Variants in SFXN5 observed in about 807,000 individuals in gnomAD.
SFXN5 encodes sideroflexin 5, also known as sideroflexin-5.
A neutral mutation model predicts 50.2 loss-of-function variants in SFXN5; 43 were observed. The ratio of observed to expected loss-of-function variants is 0.86; its 90% confidence interval spans 0.67 to 1.11. The LOEUF is 1.11. SFXN5 is among the 50% of genes least tolerant of loss of function. SFXN5 has a pLI of 0.00. For missense variants in SFXN5, 463 were observed against 454.1 expected (o/e 1.02, Z -0.18); for synonymous variants, 203 against 185.8 (o/e 1.09, Z -0.75).
chr2:72,989,940 C>T (rs1023170217), intron 9 of SFXN5, among the ~76,000 whole-genome samples: 2 of 152,200 alleles, frequency 1.3e-5, no homozygotes, highest in Non-Finnish European at 2.9e-5. Flanking sequence ...GCACGCCTGG[C>T]GGCTCAGCAG....
chr2:73,013,020 T>TC (rs2105781229), intron 6 of SFXN5, among the ~76,000 whole-genome samples: 1 of 151,222 alleles, frequency 6.6e-6, no homozygotes, highest in African/African-American at 2.5e-5. Flanking sequence ...GGACTTATCC[T>TC]CTAGTATAAA....
chr2:72,988,414 G>T, intron 9 of SFXN5, 66 bp from the exon 10 acceptor site: 3 of 1,379,778 alleles, frequency 2.2e-6, no homozygotes, highest in Non-Finnish European at 3.0e-6. Flanking sequence ...TGGGAGGAGG[G>T]GGCAGAACTG....
intron 13 of SFXN5, among the ~76,000 whole-genome samples, chr2:72,947,732 G>T (rs950767379): frequency 6.6e-5 from 10 of 152,048 alleles, no homozygotes; most frequent in Non-Finnish European, 1.3e-4. Context: ...ACCCAAGTCT[G>T]GTCACCCGAG....
chr2:72,999,271 A>C (rs1046091022), intron 8 of SFXN5, among the ~76,000 whole-genome samples: 4 of 152,218 alleles, frequency 2.6e-5, no homozygotes, highest in Admixed American at 2.6e-4. Flanking sequence ...GGTCACTGGC[A>C]GACAGTGCTG....
At chr2:72,968,652 A>G (rs1674766044) in intron 11 of SFXN5, 119 bp from the exon 12 acceptor site, 1 of 773,642 alleles carries the variant, frequency 1.3e-6, no homozygotes, top group African/African-American at 1.8e-5. Context: ...GGCCTTATTC[A>G]TGGGATTGCT....
intron 3 of SFXN5, among the ~76,000 whole-genome samples, chr2:73,024,372 G>A (rs973091559): frequency 6.6e-6 from 1 of 152,164 alleles, no homozygotes; most frequent in Admixed American, 6.5e-5. Context: ...TACACTGTCG[G>A]GGGGCCAGGC....
intron 6 of SFXN5, among the ~76,000 whole-genome samples, chr2:73,008,642 G>A (rs911729680): frequency 1.3e-5 from 2 of 152,190 alleles, no homozygotes; most frequent in South Asian, 2.1e-4. Context: ...GGGAGAGGCC[G>A]TGTATAAGAA....
In SFXN5 at chr2:72,980,303, C is replaced by A. The variant is rs986640304; in HGVS notation, c.625+7955G>T. Among the ~76,000 whole-genome samples the A allele has an allele frequency of 3.3e-5, 5 of 152,194 alleles. No individual in the cohort carries two copies. The East Asian group carries it at 9.6e-4, about 29-fold the overall frequency. On this transcript the variant is annotated intron_variant, in intron 10 of 13. Coordinates refer to ENST00000272433, the MANE Select transcript of SFXN5 (RefSeq NM_144579.3). ...ATAGCCAGGTTCTCATGTCCCTGCC[C>A]GGGAAGGTCTATGTATATACATGTA... is the stretch of plus-strand genomic sequence containing the variant.
rs988122428 is a variant in SFXN5, at chr2:72,953,480, C to T, written c.945+7651G>A. Among the ~76,000 whole-genome samples the T allele has an allele frequency of 1.3e-5, 2 of 152,118 alleles. No homozygotes were observed. On this transcript the variant is annotated intron_variant, in intron 13 of 13. Transcript: ENST00000272433. The surrounding 1 kb of genome is among the most constrained non-coding windows in gnomAD (Gnocchi z 4.1). Reference sequence around the variant, plus strand: ...ACATTGTCTCTGGCCTCGCATCAACCCTGGAAGAGTGGGAGAAGCAGGGAC... The same window carrying T: ...ACATTGTCTCTGGCCTCGCATCAACTCTGGAAGAGTGGGAGAAGCAGGGAC...
chr2:73,071,297 G>C (rs1421051872), intron 1 of SFXN5: 5 of 391,356 alleles, frequency 1.3e-5, no homozygotes, highest in African/African-American at 2.1e-5. Flanking sequence ...GAAGCCGGGC[G>C]CTCGGGACCT....
chr2:73,069,449 T>C (rs926885821), intron 1 of SFXN5, among the ~76,000 whole-genome samples: 15 of 152,138 alleles, frequency 9.9e-5, no homozygotes, highest in African/African-American at 3.6e-4. Context: ...GCTGCATTGA[T>C]TGGGTGGCAA....
In SFXN5 at chr2:72,988,620, T is replaced by C. The variant is rs113788489; in HGVS notation, c.535-272A>G. On this transcript the variant is annotated intron_variant, in intron 9 of 13. Transcript: ENST00000272433. ...AGAGACATACACACACACACACACA[T>C]ACACACACATTTACACACTCATACA... Among the ~76,000 whole-genome samples, 599 of 151,676 alleles carry C rather than the reference T, an allele frequency of 3.9e-3. 3 individuals are homozygous for C. Among genetic ancestry groups the C allele is most frequent in the African/African-American group, 0.013 (517 of 41,352 alleles).
At chr2:73,039,268 C>G (rs1679317549) in intron 3 of SFXN5, among the ~76,000 whole-genome samples, 2 of 152,122 alleles carry the variant, frequency 1.3e-5, no homozygotes, top group South Asian at 4.1e-4. Flanking sequence ...ATATGTGATC[C>G]CTTATTGACC....
chr2:72,944,983 C>A lies in SFXN5; in HGVS notation c.*39G>T. 1 of 1,596,592 alleles carries A rather than the reference C, an allele frequency of 6.3e-7. No individual in the cohort carries two copies. On this transcript the variant is annotated 3_prime_UTR_variant, in exon 14 of 14. Transcript: ENST00000272433. ...TCTACGGCCCTGCCCCTCAGCTCCC[C>A]GGCTGCACAGTGCTCCGTCCCCAGG...
chr2:72,961,113 G>C lies in SFXN5; in HGVS notation c.945+18C>G. 2 of 1,536,980 alleles carry C rather than the reference G, an allele frequency of 1.3e-6. No individual in the cohort carries two copies. Among genetic ancestry groups the C allele is most frequent in the Non-Finnish European group, 1.8e-6 (2 of 1,136,512 alleles). Reference sequence around the variant, plus strand: ...GCACCCCCTGCCCTGCCCTGCCCTTGAGCCCCTCCCCACTGACCTCTGACA... The same window carrying C: ...GCACCCCCTGCCCTGCCCTGCCCTTCAGCCCCTCCCCACTGACCTCTGACA... On this transcript the variant is annotated intron_variant, in intron 13 of 13. Transcript: ENST00000272433. The surrounding 1 kb of genome is among the most constrained non-coding windows in gnomAD (Gnocchi z 4.4).
chr2:73,046,767 C>A (rs761383687), intron 2 of SFXN5, among the ~76,000 whole-genome samples: 1 of 152,082 alleles, frequency 6.6e-6, no homozygotes, highest in Non-Finnish European at 1.5e-5. Context: ...TCTAAGGGTA[C>A]TGACAATGGG....
intron 3 of SFXN5, among the ~76,000 whole-genome samples, chr2:73,026,698 T>G (rs914887222): frequency 6.6e-6 from 1 of 152,094 alleles, no homozygotes; most frequent in Non-Finnish European, 1.5e-5. Flanking sequence ...TAGTATGCCA[T>G]ACTTCTTATT....
chr2:73,053,409 C>T lies in SFXN5; in HGVS notation c.171+5119G>A, dbSNP rs118031739. The T allele has an allele frequency of 9.8e-4, 151 of 154,382 alleles. 3 individuals are homozygous for T. The East Asian group carries it at 0.013, about 13-fold the overall frequency. 9.6% of individuals were successfully genotyped at this position (154,382 alleles called of 1,614,324 possible). On this transcript the variant is annotated intron_variant, in intron 2 of 13. Transcript: ENST00000272433. Reference sequence around the variant, plus strand: ...TCATCTCAGTATCATGCTCTCCTTCCCGCTGTTTTTTTCCTCCTCTTCCTT... The same window carrying T: ...TCATCTCAGTATCATGCTCTCCTTCTCGCTGTTTTTTTCCTCCTCTTCCTT...
intron 1 of SFXN5, among the ~76,000 whole-genome samples, chr2:73,062,481 G>T (rs1161223883): frequency 6.6e-6 from 1 of 152,308 alleles, no homozygotes; most frequent in African/African-American, 2.4e-5. Context: ...TGGTCCAGCA[G>T]AAACTTCAGC....
Sources: gnomAD v4.1 joint callset for allele counts (sites outside exome capture counted in the v4.1 genomes callset) on GRCh38, gnomAD v4.1.1 for gene constraint, Gnocchi (gnomAD v3.1) non-coding constraint, MANE v1.5 for transcripts, NCBI Gene and HGNC (gene_info 2026-07-23, HGNC 2026-07-21) for gene names.